Variants in SEMA6D observed in about 807,000 individuals in gnomAD.
SEMA6D encodes semaphorin 6D.
Under a neutral mutation model 106.6 loss-of-function variants are expected in SEMA6D, and 35 were observed. That is an observed-to-expected ratio of 0.33 (90% CI 0.25 to 0.44). SEMA6D has a LOEUF of 0.44. Among genes scored for constraint, SEMA6D ranks in the 20% least tolerant of loss-of-function variants. The probability of loss-of-function intolerance (pLI) is 1.00; values close to 1 mark genes in which losing one functional copy is unlikely to be tolerated. For synonymous variants in SEMA6D, 499 were observed against 487.7 expected (o/e 1.02, Z -0.31); for missense variants, 1,185 against 1,345.9 (o/e 0.88, Z 1.87).
intron 4 of SEMA6D, among the ~76,000 whole-genome samples, chr15:47,664,978 C>T (rs2077996113): frequency 6.6e-6 from 1 of 152,160 alleles, no homozygotes; most frequent in Admixed American, 6.5e-5. Flanking sequence ...ACCTGCCCTG[C>T]TTTAATGGAG....
intron 1 of SEMA6D, among the ~76,000 whole-genome samples, chr15:47,231,911 G>T (rs1424131720): frequency 6.6e-6 from 1 of 151,864 alleles, no homozygotes; most frequent in Non-Finnish European, 1.5e-5. Flanking sequence ...GTGGCTTTTA[G>T]TACATTCAAA....
intron 3 of SEMA6D, among the ~76,000 whole-genome samples, chr15:47,569,969 G>A (rs2046336575): frequency 6.6e-6 from 1 of 151,844 alleles, no homozygotes; most frequent in Non-Finnish European, 1.5e-5. Flanking sequence ...GCTGAGGCGG[G>A]AGAATTGCTT....
At chr15:47,437,363 C>G (rs912153953) in intron 2 of SEMA6D, among the ~76,000 whole-genome samples, 7 of 151,970 alleles carry the variant, frequency 4.6e-5, no homozygotes, top group African/African-American at 1.7e-4. Flanking sequence ...TTTCAGTAGG[C>G]AGTAATAAAG....
intron 3 of SEMA6D, among the ~76,000 whole-genome samples, chr15:47,565,393 C>T (rs1450908605): frequency 6.6e-6 from 1 of 152,192 alleles, no homozygotes; most frequent in East Asian, 1.9e-4. Flanking sequence ...CTGGTTCCAG[C>T]ACTCATGTAC....
At chr15:47,386,422 T>C (rs1342816096) in intron 1 of SEMA6D, among the ~76,000 whole-genome samples, 3 of 152,096 alleles carry the variant, frequency 2.0e-5, no homozygotes, top group Non-Finnish European at 4.4e-5. Context: ...AGCATTCAGT[T>C]AGTGGAATGC....
chr15:47,746,689 C>T (rs1358470502), intron 1 of SEMA6D, among the ~76,000 whole-genome samples: 2 of 152,148 alleles, frequency 1.3e-5, no homozygotes, highest in Non-Finnish European at 2.9e-5. Flanking sequence ...ATGGCAGCCT[C>T]AGCAGGTCAT....
intron 1 of SEMA6D, among the ~76,000 whole-genome samples, chr15:47,315,314 G>A (rs974652387): frequency 6.6e-6 from 1 of 152,078 alleles, no homozygotes; most frequent in African/African-American, 2.4e-5. Flanking sequence ...TTTGCATGTG[G>A]ATGTCCAGTT....
chr15:47,539,376 G>A (rs1596274231), intron 3 of SEMA6D, among the ~76,000 whole-genome samples: 1 of 151,546 alleles, frequency 6.6e-6, no homozygotes, highest in East Asian at 2.0e-4. Flanking sequence ...CCTCTGAGAC[G>A]AAGGTCATTT....
intron 1 of SEMA6D, among the ~76,000 whole-genome samples, chr15:47,723,385 C>T (rs920155046): frequency 1.3e-5 from 2 of 152,178 alleles, no homozygotes; most frequent in East Asian, 3.8e-4. Flanking sequence ...TCACTCTCCA[C>T]CAAAAAGTGC....
At chr15:47,289,146 A>C (rs982934780) in intron 1 of SEMA6D, among the ~76,000 whole-genome samples, 3 of 152,104 alleles carry the variant, frequency 2.0e-5, no homozygotes, top group Admixed American at 6.5e-5. Flanking sequence ...CTGTAATCCC[A>C]GCACTTTGGA....
intron 3 of SEMA6D, among the ~76,000 whole-genome samples, chr15:47,532,134 A>C (rs892020993): frequency 2.0e-5 from 3 of 152,192 alleles, no homozygotes; most frequent in African/African-American, 7.2e-5. Context: ...ATCAGATTAC[A>C]GTCCAGGAAG....
intron 3 of SEMA6D, among the ~76,000 whole-genome samples, chr15:47,483,303 G>A (rs1293778814): frequency 2.6e-5 from 4 of 152,170 alleles, no homozygotes; most frequent in African/African-American, 4.8e-5. Context: ...TATGTGCTAC[G>A]GTTTTTTAGG....
chr15:47,650,256 A>C (rs2077661036), intron 4 of SEMA6D, among the ~76,000 whole-genome samples: 1 of 152,224 alleles, frequency 6.6e-6, no homozygotes, highest in African/African-American at 2.4e-5. Flanking sequence ...TGGACTGGAC[A>C]CTATCTCATC....
chr15:47,530,234 C>G (rs1386513424), intron 3 of SEMA6D, among the ~76,000 whole-genome samples: 3 of 152,178 alleles, frequency 2.0e-5, no homozygotes, highest in Non-Finnish European at 2.9e-5. Flanking sequence ...GTTGAATCTC[C>G]TTTAGAAATG....
rs150579784 is a variant in SEMA6D, at chr15:47,447,327, G to A, written c.-158-23147G>A. 1.9e-3 allele frequency among the ~76,000 whole-genome samples: 288 copies of A among 152,192 alleles called. 1 individual carries two copies. Among genetic ancestry groups the A allele is most frequent in the African/African-American group, 6.5e-3 (270 of 41,550 alleles). Reference sequence around the variant, plus strand: ...GAGGACTGGCCAGGATTAGAGGGTCGTAACTTTCATCCCACCCCCAACCTC... The same window carrying A: ...GAGGACTGGCCAGGATTAGAGGGTCATAACTTTCATCCCACCCCCAACCTC... On this transcript the variant is annotated intron_variant, in intron 2 of 19. Coordinates refer to the SEMA6D transcript ENST00000558014.
intron 4 of SEMA6D, among the ~76,000 whole-genome samples, chr15:47,646,482 T>G (rs143521759): frequency 6.6e-6 from 1 of 152,290 alleles, no homozygotes; most frequent in Non-Finnish European, 1.5e-5. Flanking sequence ...TGGAATCATT[T>G]GGGTGACTGA....
At chr15:47,187,002 GA>G (rs142698701) in intron 1 of SEMA6D, among the ~76,000 whole-genome samples, 4,770 of 148,074 alleles carry the variant, frequency 0.032, 102 homozygotes, top group Non-Finnish European at 0.049. Context: ...TGTTCATAAA[GA>G]AAAAAAAAAG....
chr15:47,443,186 C>T (rs151310125), intron 2 of SEMA6D, among the ~76,000 whole-genome samples: 2 of 152,218 alleles, frequency 1.3e-5, no homozygotes, highest in Non-Finnish European at 2.9e-5. Flanking sequence ...ATAGCTACAA[C>T]AATATCTCCT....
chr15:47,355,391 A>G (rs1422503528), intron 1 of SEMA6D, among the ~76,000 whole-genome samples: 3 of 152,318 alleles, frequency 2.0e-5, no homozygotes, highest in African/African-American at 7.2e-5. Flanking sequence ...GAAAAGCTTC[A>G]TGTTTTATTT....
Sources: gnomAD v4.1 joint callset for allele counts (sites outside exome capture counted in the v4.1 genomes callset) on GRCh38, gnomAD v4.1.1 for gene constraint, MANE v1.5 for transcripts, NCBI Gene and HGNC (gene_info 2026-07-23, HGNC 2026-07-21) for gene names.